Variants in RNF214 observed in about 807,000 individuals in gnomAD.
RNF214 encodes the protein ring finger protein 214.
In RNF214, 25 loss-of-function variants were observed where a neutral mutation model predicts 75.9. The ratio of observed to expected loss-of-function variants is 0.33; its 90% CI spans 0.24 to 0.46. The LOEUF is 0.46. Ranked by LOEUF, RNF214 falls within the 20% of genes least tolerant of loss-of-function variation. The pLI is 1.00. For synonymous variants in RNF214, 314 were observed against 308.8 expected, an observed-to-expected ratio of 1.02 and a Z score of -0.18; for missense variants, 725 against 857.5, an observed-to-expected ratio of 0.85 and a Z score of 1.93.
chr11:117,261,411 CT>C (rs2033658698), intron 6 of RNF214, among the ~76,000 whole-genome samples: 1 of 152,008 alleles, frequency 6.6e-6, no homozygotes, highest in African/African-American at 2.4e-5. Flanking sequence ...GAAATCCCAT[CT>C]CTACCAAAAA....
At chr11:117,280,494 T>C (rs1236649813) in intron 8 of RNF214, among the ~76,000 whole-genome samples, 1 of 152,240 alleles carries the variant, frequency 6.6e-6, no homozygotes, top group Non-Finnish European at 1.5e-5. Flanking sequence ...TTTAATGTTT[T>C]GTTTCCATTT....
chr11:117,276,331 C>G (rs1428807285), intron 6 of RNF214, among the ~76,000 whole-genome samples: 2 of 152,152 alleles, frequency 1.3e-5, no homozygotes, highest in Non-Finnish European at 2.9e-5. Flanking sequence ...GGAACAAGGC[C>G]GGGCACAGTG....
chr11:117,267,323 CCTT>C (rs1325380330), intron 6 of RNF214, among the ~76,000 whole-genome samples: 1 of 152,054 alleles, frequency 6.6e-6, no homozygotes, highest in African/African-American at 2.4e-5. Context: ...CCCAAGATCA[CCTT>C]CTTCTTGGAG....
In RNF214 at chr11:117,239,062, A is replaced by G; in HGVS notation, c.569A>G (p.Asp190Gly). 6.2e-7 allele frequency: 1 copy of G among 1,613,974 alleles called. No homozygotes were observed. Among genetic ancestry groups the G allele is most frequent in the Non-Finnish European group, 8.5e-7 (1 of 1,179,984 alleles). Residue 190 changes from aspartate (D) to glycine (G), a missense_variant, in exon 3 of 15, where the codon GAT becomes GGT. Asp to Gly is a moderately conservative substitution (Grantham distance 94). Transcript: ENST00000300650. Reference protein sequence around the residue: ...GVEGVRVDQDDDQDSSSLKLS... With the variant: ...GVEGVRVDQDGDQDSSSLKLS... ...GAAGGAGTCCGAGTGGATCAGGATGATGATCAAGATAGCTCTTCCCTGAAG... is the reference window on the plus strand; with the variant it reads ...GAAGGAGTCCGAGTGGATCAGGATGGTGATCAAGATAGCTCTTCCCTGAAG...
At chr11:117,269,453 C>T (rs2033862757) in intron 6 of RNF214, among the ~76,000 whole-genome samples, 1 of 152,134 alleles carries the variant, frequency 6.6e-6, no homozygotes. Context: ...CCTCGACCTC[C>T]CCAGGCTCAG....
Position 117,282,246 on chromosome 11 carries a change from T to C in RNF214, c.1688T>C (p.Leu563Pro). ...CTGGAGAAGATCCTGGAGAAGCTGC[T>C]GACCCGGTTCCCACAGTGCAATAAG... ...DKLEKILEKL[L>P]TRFPQCNKAQ... Residue 563 changes from leucine to proline, a missense_variant, in exon 11 of 15, where the codon CTG becomes CCG. Leu to Pro is a moderately conservative substitution (Grantham distance 98, BLOSUM62 -3). Transcript: ENST00000300650. 1 of 1,600,870 alleles carries C rather than the reference T, an allele frequency of 6.2e-7. No individual in the cohort carries two copies. The highest frequency in any genetic ancestry group is 8.5e-7 in the Non-Finnish European group (1 of 1,173,040).
chr11:117,234,177 C>T, intron 1 of RNF214, 90 bp from the exon 2 acceptor site: 1 of 923,294 alleles, frequency 1.1e-6, no homozygotes, highest in South Asian at 1.4e-5. Context: ...ACTGCGACAG[C>T]TCTGTTGTGT....
At chr11:117,272,747 T>G (rs2033939163) in intron 6 of RNF214, among the ~76,000 whole-genome samples, 2 of 152,262 alleles carry the variant, frequency 1.3e-5, no homozygotes, top group South Asian at 2.1e-4. Context: ...TCACAAAGGT[T>G]GTTGTAAAGG....
intron 4 of RNF214, among the ~76,000 whole-genome samples, chr11:117,241,359 A>G (rs1159699029): frequency 6.6e-6 from 1 of 151,934 alleles, no homozygotes; most frequent in East Asian, 1.9e-4. Context: ...AGGCGGGTAG[A>G]TCACGAGGTC....
intron 3 of RNF214, 86 bp downstream of exon 3, chr11:117,239,197 A>G (rs2033002850): frequency 1.4e-6 from 2 of 1,397,712 alleles, no homozygotes; most frequent in Non-Finnish European, 1.9e-6. Context: ...TTTGGTGGAG[A>G]ACTTGCTGGC....
chr11:117,247,365 C>T (rs986441197), intron 6 of RNF214, among the ~76,000 whole-genome samples: 24 of 152,076 alleles, frequency 1.6e-4, no homozygotes, highest in African/African-American at 5.1e-4. Flanking sequence ...TGTGGTGGCA[C>T]GTGGCTGTAG....
chr11:117,248,199 C>G (rs2033280137), intron 6 of RNF214, among the ~76,000 whole-genome samples: 1 of 152,196 alleles, frequency 6.6e-6, no homozygotes, highest in South Asian at 2.1e-4. Context: ...CCTCAGCCTC[C>G]TGAGTAGCTG....
chr11:117,243,243 T>G (rs907679417), intron 4 of RNF214, among the ~76,000 whole-genome samples: 2 of 152,180 alleles, frequency 1.3e-5, no homozygotes, highest in Non-Finnish European at 2.9e-5. Flanking sequence ...GCCTACCAGG[T>G]TCAAGTGATT....
At chr11:117,239,632 G>A (rs916875442) in intron 3 of RNF214, 169 bp from the exon 4 acceptor site, 13 of 620,602 alleles carry the variant, frequency 2.1e-5, no homozygotes, top group Admixed American at 1.4e-4. Flanking sequence ...TTAATGCAGC[G>A]TGGATGTTGG....
chr11:117,237,905 A>G (rs962043514), intron 2 of RNF214, among the ~76,000 whole-genome samples: 3 of 152,196 alleles, frequency 2.0e-5, no homozygotes, highest in African/African-American at 7.2e-5. Context: ...TTTGAATGAA[A>G]ATTATTCCTG....
chr11:117,248,354 G>C (rs1467094213), intron 6 of RNF214, among the ~76,000 whole-genome samples: 2 of 152,208 alleles, frequency 1.3e-5, no homozygotes, highest in Non-Finnish European at 2.9e-5. Flanking sequence ...GGGATTACAG[G>C]CATGAGCCAC....
Position 117,282,497 on chromosome 11 carries a change from A to G in RNF214, c.1806A>G (p.Ala602=). The part of the protein sequence containing the change: ...TMEELIQLVA[A]RLAEHERVAA... The stretch of plus-strand genomic sequence containing the variant: ...AGGAACTTATCCAGTTGGTTGCTGC[A>G]CGACTGGCAGAACATGAGCGGGTGG... Residue 602 remains alanine, a synonymous_variant, in exon 12 of 15, where the codon GCA becomes GCG. Coordinates refer to ENST00000300650, the MANE Select transcript of RNF214 (RefSeq NM_207343.4). 4 of 1,614,178 alleles carry G rather than the reference A, an allele frequency of 2.5e-6. No homozygotes were observed. The highest frequency in any genetic ancestry group is 1.1e-5 in the South Asian group (1 of 91,076).
In RNF214 at chr11:117,242,950, A is replaced by G. The variant is rs146226340; in HGVS notation, c.679-1495A>G. 1.6e-3 allele frequency among the ~76,000 whole-genome samples: 251 copies of G among 152,282 alleles called. 2 individuals carry two copies. The highest frequency in any genetic ancestry group is 3.4e-3 in the Middle Eastern group (1 of 294). On this transcript the variant is annotated intron_variant, in intron 4 of 14. Transcript: ENST00000300650. ...GAATTCTTATCTCAGAAAAATATAT[A>G]CATTCATCAGTTGCAGAGAGTTCAA...
At chr11:117,240,839 T>C (rs2033059493) in intron 4 of RNF214, among the ~76,000 whole-genome samples, 1 of 151,870 alleles carries the variant, frequency 6.6e-6, no homozygotes, top group African/African-American at 2.4e-5. Context: ...GTCAGGAGTT[T>C]GAGACCAGCC....
Sources: gnomAD v4.1 joint callset for allele counts (sites outside exome capture counted in the v4.1 genomes callset) on GRCh38, gnomAD v4.1.1 for gene constraint, MANE v1.5 for transcripts, NCBI Gene and HGNC (gene_info 2026-07-23, HGNC 2026-07-21) for gene names.